Variants in FRMD4A observed in about 807,000 individuals in gnomAD.
The protein encoded by FRMD4A is FERM domain containing 4A.
FRMD4A carries 29 observed loss-of-function variants against 129.1 expected under a neutral mutation model. The ratio of observed to expected loss-of-function variants is 0.22; its 90% confidence interval spans 0.17 to 0.31. The LOEUF is 0.31. Among genes scored for constraint, FRMD4A ranks in the 10% least tolerant of loss-of-function variants. The pLI is 1.00. For synonymous variants in FRMD4A, 634 were observed against 571.6 expected (o/e 1.11, Z -1.56); for missense variants, 1,272 against 1,375.8 (o/e 0.92, Z 1.19).
At chr10:14,325,796 G>T (rs565043550) in intron 2 of FRMD4A, among the ~76,000 whole-genome samples, 3 of 152,268 alleles carry the variant, frequency 2.0e-5, no homozygotes, top group African/African-American at 7.2e-5. Flanking sequence ...GCTTAGAAAA[G>T]AATTTATAAA....
intron 2 of FRMD4A, among the ~76,000 whole-genome samples, chr10:14,325,012 G>A (rs1338107536): frequency 6.6e-6 from 1 of 152,218 alleles, no homozygotes; most frequent in African/African-American, 2.4e-5. Context: ...CAAGCCCTTT[G>A]ACTTCTCTGG....
In FRMD4A at chr10:14,258,582, C is replaced by T. The variant is rs78882610; in HGVS notation, c.45+71476G>A. On this transcript the variant is annotated intron_variant, in intron 2 of 24. Transcript: ENST00000357447. ...TGGTGATTATGTGGAGAAACTGGAA[C>T]GCTCATGCACCACAGGTGAAAATGT... 1.7e-4 allele frequency among the ~76,000 whole-genome samples: 26 copies of T among 152,274 alleles called. No individual in the cohort carries two copies. The East Asian group carries it at 1.7e-3, about 10-fold the overall frequency.
chr10:13,796,661 T>C, intron 4 of FRMD4A, 73 bp from the exon 5 acceptor site: 2 of 779,194 alleles, frequency 2.6e-6, no homozygotes, highest in Admixed American at 1.8e-5. Flanking sequence ...AAGGTATATA[T>C]GAAGCAGAAC....
chr10:14,026,449 T>A (rs1832989455), intron 2 of FRMD4A, among the ~76,000 whole-genome samples: 1 of 152,206 alleles, frequency 6.6e-6, no homozygotes, highest in Admixed American at 6.5e-5. Flanking sequence ...TGTACATGCA[T>A]GTTCTTCGAG....
At chr10:13,723,815 T>C (rs565562628) in intron 12 of FRMD4A, among the ~76,000 whole-genome samples, 20 of 152,150 alleles carry the variant, frequency 1.3e-4, no homozygotes, top group African/African-American at 4.6e-4. Context: ...TTCATTAGGG[T>C]TACCTGGAGA....
intron 4 of FRMD4A, among the ~76,000 whole-genome samples, chr10:13,802,570 GC>G (rs2093277597): frequency 6.6e-6 from 1 of 152,130 alleles, no homozygotes. Flanking sequence ...TTCTGCCTCA[GC>G]CTCTGGAATA....
intron 2 of FRMD4A, among the ~76,000 whole-genome samples, chr10:14,011,194 C>T (rs1269073382): frequency 2.6e-5 from 4 of 152,128 alleles, no homozygotes; most frequent in African/African-American, 7.2e-5. Context: ...ATCCATTGAA[C>T]CCAACAGGAA....
chr10:13,850,451 G>A (rs2094125581), intron 3 of FRMD4A, among the ~76,000 whole-genome samples: 1 of 152,162 alleles, frequency 6.6e-6, no homozygotes, highest in African/African-American at 2.4e-5. Flanking sequence ...CCACTGCTGT[G>A]GAAGTGTCTT....
chr10:14,263,330 G>A (rs572665545), intron 2 of FRMD4A, among the ~76,000 whole-genome samples: 5 of 152,328 alleles, frequency 3.3e-5, no homozygotes, highest in Admixed American at 6.5e-5. Flanking sequence ...CAGCGCAGGA[G>A]GGGGAAGGGG....
chr10:14,032,762 C>G (rs1833307605), intron 2 of FRMD4A, among the ~76,000 whole-genome samples: 1 of 152,210 alleles, frequency 6.6e-6, no homozygotes, highest in Non-Finnish European at 1.5e-5. Flanking sequence ...TGCTAGGAGC[C>G]AGCATCCCTG....
At chr10:13,680,585 G>A (rs915330820) in intron 15 of FRMD4A, among the ~76,000 whole-genome samples, 4 of 151,850 alleles carry the variant, frequency 2.6e-5, no homozygotes, top group African/African-American at 9.7e-5. Flanking sequence ...AATCAGCTGG[G>A]CGTTGTGGCA....
At chr10:13,838,252 ATTTTTTTTTTTT>A (rs905362746) in intron 3 of FRMD4A, among the ~76,000 whole-genome samples, 47 of 125,996 alleles carry the variant, frequency 3.7e-4, no homozygotes, top group African/African-American at 1.4e-3. Flanking sequence ...TGCAGAGCTA[ATTTTTTTTTTTT>A]TTTTTTTTTT....
At chr10:13,671,125 G>GT (rs1361271687) in intron 16 of FRMD4A, among the ~76,000 whole-genome samples, 1 of 152,194 alleles carries the variant, frequency 6.6e-6, no homozygotes, top group African/African-American at 2.4e-5. Flanking sequence ...GGAATAGGCT[G>GT]TACTTAAAAG....
chr10:14,098,970 T>C (rs1314001481), intron 2 of FRMD4A, among the ~76,000 whole-genome samples: 1 of 152,208 alleles, frequency 6.6e-6, no homozygotes, highest in Non-Finnish European at 1.5e-5. Context: ...TTCCTAAGCC[T>C]TCTGTTCTTC....
At chr10:14,196,264 C>T (rs1842470542) in intron 2 of FRMD4A, among the ~76,000 whole-genome samples, 1 of 152,120 alleles carries the variant, frequency 6.6e-6, no homozygotes, top group Admixed American at 6.5e-5. Flanking sequence ...CTGGGTAAGA[C>T]CAGCTATTCT....
At chr10:13,753,922 G>C (rs998868297) in intron 8 of FRMD4A, among the ~76,000 whole-genome samples, 2 of 152,038 alleles carry the variant, frequency 1.3e-5, no homozygotes, top group African/African-American at 4.8e-5. Context: ...TCGTTTTCTG[G>C]GGTGAAATGA....
chr10:14,151,251 T>C (rs866548145), intron 2 of FRMD4A, among the ~76,000 whole-genome samples: 2 of 152,204 alleles, frequency 1.3e-5, no homozygotes, highest in Non-Finnish European at 1.5e-5. Flanking sequence ...CAAAGTCATG[T>C]AAGCAACCTA....
chr10:13,861,952 G>A (rs1352926574), intron 2 of FRMD4A, among the ~76,000 whole-genome samples: 1 of 152,082 alleles, frequency 6.6e-6, no homozygotes, highest in Non-Finnish European at 1.5e-5. Context: ...GTTTCAGTAG[G>A]GCAGATAATA....
intron 2 of FRMD4A, among the ~76,000 whole-genome samples, chr10:14,000,898 G>A (rs913131384): frequency 6.6e-6 from 1 of 152,122 alleles, no homozygotes; most frequent in African/African-American, 2.4e-5. Context: ...TAACTATCCA[G>A]AGACTCTCCT....
Sources: gnomAD v4.1 joint callset for allele counts (sites outside exome capture counted in the v4.1 genomes callset) on GRCh38, gnomAD v4.1.1 for gene constraint, MANE v1.5 for transcripts, NCBI Gene and HGNC (gene_info 2026-07-23, HGNC 2026-07-21) for gene names.